TBC1D5: variants seen among roughly 807,000 people sequenced by gnomAD.
The protein encoded by TBC1D5 is TBC1 domain family member 5, also known as TBC1 domain family, member 5.
Under a neutral mutation model 100.3 loss-of-function variants are expected in TBC1D5, and 75 were observed. The ratio of observed to expected loss-of-function variants is 0.75; its 90% confidence interval spans 0.62 to 0.91. The LOEUF (loss-of-function observed/expected upper bound fraction) is 0.91. Among genes scored for constraint, TBC1D5 ranks in the 40% least tolerant of loss-of-function variants. The pLI is 0.00. For missense variants in TBC1D5, 910 were observed against 942.4 expected (o/e 0.97, Z 0.45); for synonymous variants, 323 against 325.6 (o/e 0.99, Z 0.09).
chr3:17,349,540 T>C (rs1202907659), intron 13 of TBC1D5, among the ~76,000 whole-genome samples: 1 of 152,204 alleles, frequency 6.6e-6, no homozygotes, highest in Non-Finnish European at 1.5e-5. Flanking sequence ...TTCTACCTAG[T>C]ACGAAATACA....
intron 1 of TBC1D5, among the ~76,000 whole-genome samples, chr3:17,714,682 A>C (rs2075069705): frequency 6.6e-6 from 1 of 152,228 alleles, no homozygotes; most frequent in Admixed American, 6.5e-5. Flanking sequence ...GAAAACAACT[A>C]AACAAGTCAG....
intron 19 of TBC1D5, among the ~76,000 whole-genome samples, chr3:17,178,273 G>T (rs2068042176): frequency 6.6e-6 from 1 of 151,962 alleles, no homozygotes; most frequent in African/African-American, 2.4e-5. Flanking sequence ...CACCATGTTA[G>T]CCAGGATGGT....
At chr3:17,483,277 C>G (rs2095521671) in intron 3 of TBC1D5, among the ~76,000 whole-genome samples, 1 of 152,110 alleles carries the variant, frequency 6.6e-6, no homozygotes, top group African/African-American at 2.4e-5. Flanking sequence ...CCATTAAAAA[C>G]CATTCTTAAA....
rs989906960 is a variant in TBC1D5 at position 17,233,755 on chromosome 3, A to G, written c.1588+4408T>C. ...CGCTTCCTGTAACTACATCGCCTGG[A>G]TTTCATAAGAAAAAATAATTAGATT... is the stretch of plus-strand genomic sequence containing the variant. On this transcript the variant is annotated intron_variant, in intron 17 of 21. Coordinates refer to ENST00000253692, the Ensembl canonical transcript of TBC1D5. The G allele has an allele frequency of 2.0e-6, 3 of 1,533,460 alleles. No individual in the cohort carries two copies. The highest frequency in any genetic ancestry group is 2.6e-6 in the Non-Finnish European group (3 of 1,135,564). 95.0% of individuals were successfully genotyped at this position (1,533,460 alleles called of 1,614,324 possible).
intron 1 of TBC1D5, among the ~76,000 whole-genome samples, chr3:17,727,970 A>C (rs2076257509): frequency 6.6e-6 from 1 of 152,206 alleles, no homozygotes; most frequent in Non-Finnish European, 1.5e-5. Flanking sequence ...AGAACATAAC[A>C]ATATTTTGAT....
At position 17,497,129 on chromosome 3, in the gene TBC1D5, CA is replaced by C. The variant is rs1560022995; in HGVS notation, c.97+11344del. 9.0e-3 allele frequency among the ~76,000 whole-genome samples: 1,294 copies of C among 143,902 alleles called. 25 individuals are homozygous for C. Among genetic ancestry groups the C allele is most frequent in the African/African-American group, 0.03 (1,074 of 35,740 alleles). 94.4% of individuals were successfully genotyped at this position (143,902 alleles called of 152,430 possible). On this transcript the variant is annotated intron_variant, in intron 3 of 21. Coordinates refer to ENST00000253692, the Ensembl canonical transcript of TBC1D5. Reference sequence around the variant, plus strand: ...ACACACACACACACACACACACACACACACACACCATCCTTGTATATCTGCA... The same window carrying C: ...ACACACACACACACACACACACACACCACACACCATCCTTGTATATCTGCA...
intron 1 of TBC1D5, among the ~76,000 whole-genome samples, chr3:17,662,233 A>G (rs1323709598): frequency 6.6e-6 from 1 of 152,174 alleles, no homozygotes; most frequent in Non-Finnish European, 1.5e-5. Context: ...TAACTCAGAT[A>G]CCTGGAATTA....
At chr3:17,252,871 T>C (rs1456868280) in intron 16 of TBC1D5, among the ~76,000 whole-genome samples, 1 of 152,190 alleles carries the variant, frequency 6.6e-6, no homozygotes. Context: ...ATTAAAGCAT[T>C]TGTGAAATGA....
chr3:17,472,483 A>G (rs1325465990), intron 3 of TBC1D5, among the ~76,000 whole-genome samples: 1 of 152,058 alleles, frequency 6.6e-6, no homozygotes, highest in Non-Finnish European at 1.5e-5. Context: ...CTTCTCAATG[A>G]GGCCTTTCTT....
chr3:17,637,940 G>A (rs551791974), intron 1 of TBC1D5, among the ~76,000 whole-genome samples: 1 of 151,970 alleles, frequency 6.6e-6, no homozygotes, highest in African/African-American at 2.4e-5. Flanking sequence ...ATTACTTATT[G>A]GAAACAATCT....
At chr3:17,536,002 T>TTTTACATTTTTACATCTTTTACAACA (rs1158933203) in intron 2 of TBC1D5, among the ~76,000 whole-genome samples, 19 of 152,172 alleles carry the variant, frequency 1.2e-4, no homozygotes, top group Non-Finnish European at 2.4e-4. Flanking sequence ...CAAAGATGTA[T>TTTTACATTTTTACATCTTTTACAACA]TTTCAGATAT....
chr3:17,706,534 A>G lies in TBC1D5; in HGVS notation c.-101+32809T>C, dbSNP rs185107530. ...CAATGTATCATGTACTGTATTATAG[A>G]AGTATAATCGATAACCATGTTATAG... On this transcript the variant is annotated intron_variant, in intron 1 of 21. Coordinates refer to ENST00000253692, the Ensembl canonical transcript of TBC1D5. Among the ~76,000 whole-genome samples, 8 of 152,252 alleles carry G rather than the reference A, an allele frequency of 5.3e-5. No individual in the cohort carries two copies. The East Asian group carries it at 1.5e-3, about 29-fold the overall frequency.
intron 4 of TBC1D5, among the ~76,000 whole-genome samples, chr3:17,414,094 T>C (rs2094004720): frequency 1.3e-5 from 2 of 152,130 alleles, no homozygotes; most frequent in Admixed American, 6.6e-5. Context: ...CTCTCAGAGA[T>C]GATCATGGAG....
intron 2 of TBC1D5, among the ~76,000 whole-genome samples, chr3:17,558,845 T>C (rs1456567312): frequency 6.6e-6 from 1 of 152,188 alleles, no homozygotes; most frequent in African/African-American, 2.4e-5. Flanking sequence ...CATTCCTACC[T>C]TGAATTTTTT....
intron 4 of TBC1D5, among the ~76,000 whole-genome samples, chr3:17,422,176 G>C (rs1431087926): frequency 6.6e-6 from 1 of 151,762 alleles, no homozygotes; most frequent in Admixed American, 6.6e-5. Flanking sequence ...GGATTTTTTT[G>C]TTTTGTTGTT....
intron 13 of TBC1D5, among the ~76,000 whole-genome samples, chr3:17,355,011 CT>C (rs1255454326): frequency 6.6e-6 from 1 of 152,112 alleles, no homozygotes; most frequent in African/African-American, 2.4e-5. Context: ...TATTCACCAG[CT>C]GGGCAATAGC....
intron 17 of TBC1D5, among the ~76,000 whole-genome samples, chr3:17,226,443 A>G (rs1378606008): frequency 6.6e-6 from 1 of 152,000 alleles, no homozygotes; most frequent in African/African-American, 2.4e-5. Context: ...TTCAGGTCCA[A>G]GGCACTTATT....
intron 3 of TBC1D5, among the ~76,000 whole-genome samples, chr3:17,491,196 A>C (rs2150545690): frequency 6.6e-6 from 1 of 152,300 alleles, no homozygotes; most frequent in Middle Eastern, 3.4e-3. Flanking sequence ...TTATCAGCTT[A>C]AAAAGCTTTT....
intron 17 of TBC1D5, among the ~76,000 whole-genome samples, chr3:17,222,257 A>C (rs1043302509): frequency 6.6e-6 from 1 of 151,728 alleles, no homozygotes; most frequent in African/African-American, 2.4e-5. Flanking sequence ...GTGGCCTTTT[A>C]TCTCTGTCTT....
Sources: gnomAD v4.1 joint callset for allele counts (sites outside exome capture counted in the v4.1 genomes callset) on GRCh38, gnomAD v4.1.1 for gene constraint, MANE v1.5 for transcripts, NCBI Gene and HGNC (gene_info 2026-07-23, HGNC 2026-07-21) for gene names.